The following TUBB8 variants were observed in gnomAD, a reference collection of about 807,000 sequenced individuals.
TUBB8 encodes the protein tubulin beta 8 class VIII.
TUBB8 carries 25 observed loss-of-function variants against 33.7 expected under a neutral mutation model. That is an observed-to-expected ratio of 0.74 (90% CI 0.54 to 1.04). The LOEUF (loss-of-function observed/expected upper bound fraction) is 1.04. Ranked by LOEUF, TUBB8 falls within the 50% of genes least tolerant of loss-of-function variation. TUBB8 has a pLI of 0.00. For synonymous variants in TUBB8, 245 were observed against 240.1 expected, an observed-to-expected ratio of 1.02 and a Z score of -0.19; for missense variants, 279 against 608.0, an observed-to-expected ratio of 0.46 and a Z score of 5.69.
upstream of TUBB8, among the ~76,000 whole-genome samples, chr10:75,173 G>T (rs1275855604): frequency 9.6e-6 from 1 of 104,096 alleles, no homozygotes; most frequent in African/African-American, 3.5e-5. Flanking sequence ...GTGAGCCACC[G>T]CGCCCAGCCA....
At chr10:59,737 A>C (rs1359214583) in intron 1 of TUBB8, among the ~76,000 whole-genome samples, 1 of 152,238 alleles carries the variant, frequency 6.6e-6, no homozygotes, top group Non-Finnish European at 1.5e-5. Flanking sequence ...TGAGTTTGGA[A>C]ATGTTCTTTC....
In TUBB8 at chr10:48,631, T is replaced by C. The variant is rs782662677; in HGVS notation, c.261A>G (p.Pro87=). The C allele has an allele frequency of 7.4e-6, 12 of 1,612,348 alleles. No individual in the cohort carries two copies. Among genetic ancestry groups the C allele is most frequent in the Admixed American group, 1.7e-5 (1 of 60,020 alleles). ...RSGPFGQVFR[P]DNFIFGQCGA... ...GCAGCTCACCGAAGATGAAGTTGTC[T>C]GGCCTGAAGACCTGCCCGAAGGGCC... The change falls in exon 3 of 4, where the codon CCA becomes CCG. Residue 87 remains proline (P), a synonymous_variant. Coordinates refer to ENST00000568584, the MANE Select transcript of TUBB8 (RefSeq NM_177987.3).
intron 1 of TUBB8, among the ~76,000 whole-genome samples, chr10:72,306 C>G (rs1300220715): frequency 6.6e-6 from 1 of 150,996 alleles, no homozygotes; most frequent in Non-Finnish European, 1.5e-5. Flanking sequence ...TGCCTGCAAT[C>G]CCAGCACTAT....
chr10:68,612 A>G (rs1554741940), intron 1 of TUBB8, among the ~76,000 whole-genome samples: 1 of 152,212 alleles, frequency 6.6e-6, no homozygotes, highest in Non-Finnish European at 1.5e-5. Flanking sequence ...TTTACTTTAC[A>G]GTAATTTCAT....
intron 1 of TUBB8, among the ~76,000 whole-genome samples, chr10:73,561 T>C (rs1248631277): frequency 6.6e-6 from 1 of 152,040 alleles, no homozygotes; most frequent in African/African-American, 2.4e-5. Flanking sequence ...GAGAATCGCT[T>C]GAACCCAGGA....
chr10:74,992 A>G (rs1834791888), upstream of TUBB8, among the ~76,000 whole-genome samples: 2 of 149,882 alleles, frequency 1.3e-5, no homozygotes, highest in Non-Finnish European at 1.5e-5. Context: ...CTCCTGCCTC[A>G]GCCTCCCGAG....
At chr10:73,206 T>TA (rs1564214126) in intron 1 of TUBB8, among the ~76,000 whole-genome samples, 1 of 152,274 alleles carries the variant, frequency 6.6e-6, no homozygotes, top group Non-Finnish European at 1.5e-5. Context: ...GTTTTTGGTT[T>TA]TGTTTTCATT....
chr10:58,529 C>T (rs554429141), intron 1 of TUBB8, among the ~76,000 whole-genome samples: 18 of 152,234 alleles, frequency 1.2e-4, no homozygotes, highest in Non-Finnish European at 2.1e-4. Context: ...ACAGCACTGG[C>T]ATGCACTTCT....
intron 3 of TUBB8, chr10:48,377 G>C (rs533025599): frequency 3.2e-6 from 2 of 632,164 alleles, no homozygotes; most frequent in East Asian, 2.7e-5. Flanking sequence ...CAGTAGCCAC[G>C]GCCCCAGCTC....
chr10:50,730 C>A (rs556295102), upstream of TUBB8, among the ~76,000 whole-genome samples: 1 of 152,300 alleles, frequency 6.6e-6, no homozygotes, highest in East Asian at 1.9e-4. Context: ...CTTTTAAATT[C>A]TTTCCCAACT....
chr10:49,619 G>T (rs529957337), upstream of TUBB8: 269 of 494,368 alleles, frequency 5.4e-4, no homozygotes, highest in Middle Eastern at 4.2e-3. Context: ...ACCTGTCCTA[G>T]ATTGATGACA....
At chr10:75,876 T>C (rs7099775), upstream of TUBB8, among the ~76,000 whole-genome samples, 41,359 of 151,508 alleles carry the variant, frequency 0.27, 6,671 homozygotes, top group Non-Finnish European at 0.36. Context: ...AGATGGCTCA[T>C]GCCTGTAATC....
intron 1 of TUBB8, among the ~76,000 whole-genome samples, chr10:59,835 AT>A (rs201533408): frequency 6.7e-6 from 1 of 149,252 alleles, no homozygotes; most frequent in African/African-American, 2.5e-5. Flanking sequence ...CAGGTTTTGG[AT>A]TTTTTCCTAG....
chr10:72,661 G>A (rs1371611412), intron 1 of TUBB8, among the ~76,000 whole-genome samples: 1 of 143,162 alleles, frequency 7.0e-6, no homozygotes, highest in Non-Finnish European at 1.5e-5. Context: ...GACCAGCCTG[G>A]CCAAGATGGT....
chr10:58,819 C>A (rs1192151021), intron 1 of TUBB8, among the ~76,000 whole-genome samples: 1 of 152,178 alleles, frequency 6.6e-6, no homozygotes, highest in African/African-American at 2.4e-5. Context: ...CATTCAAACC[C>A]TATCAGAGGA....
At chr10:67,041 A>G (rs1554741691) in intron 1 of TUBB8, among the ~76,000 whole-genome samples, 1 of 152,206 alleles carries the variant, frequency 6.6e-6, no homozygotes, top group African/African-American at 2.4e-5. Flanking sequence ...ATTCAGTTCC[A>G]TTGATCTATT....
intron 1 of TUBB8, among the ~76,000 whole-genome samples, chr10:54,949 C>T (rs374242484): frequency 7.0e-6 from 1 of 142,252 alleles, no homozygotes; most frequent in Non-Finnish European, 1.5e-5. Context: ...GTAGAGACGG[C>T]GTTTCACCAT....
chr10:63,502 TCTGA>T (rs1564210594), intron 1 of TUBB8, among the ~76,000 whole-genome samples: 1 of 152,260 alleles, frequency 6.6e-6, no homozygotes, highest in African/African-American at 2.4e-5. Context: ...TTTTGTCTCC[TCTGA>T]CTTTGTCTTT....
chr10:74,625 C>CAAAAAAAAAAAAAAAAAAAAAAA (rs35723619), upstream of TUBB8, among the ~76,000 whole-genome samples: 6 of 89,678 alleles, frequency 6.7e-5, no homozygotes, highest in East Asian at 3.3e-4. Context: ...GACTCAGTAT[C>CAAAAAAAAAAAAAAAAAAAAAAA]AAAAAAAAAA....
Sources: allele counts gnomAD v4.1 joint callset (sites outside exome capture counted in the v4.1 genomes callset), GRCh38; gene constraint gnomAD v4.1.1; transcripts MANE v1.5; gene names NCBI Gene and HGNC (gene_info 2026-07-23, HGNC 2026-07-21).